FLAD1: variants seen among roughly 807,000 people sequenced by gnomAD.
FLAD1 encodes flavin adenine dinucleotide synthetase 1, also known as bifunctional FAD diphosphatase/FAD synthase.
In FLAD1, 35 loss-of-function variants were observed where a neutral mutation model predicts 55.0. That is an observed-to-expected ratio of 0.64 (90% CI 0.49 to 0.84). FLAD1 has a LOEUF of 0.84. Ranked by LOEUF, FLAD1 falls within the 40% of genes least tolerant of loss-of-function variation. The probability of loss-of-function intolerance (pLI) is 0.00; values close to 1 mark genes in which losing one functional copy is unlikely to be tolerated. For missense variants in FLAD1, 665 were observed against 742.6 expected, an observed-to-expected ratio of 0.90 and a Z score of 1.21; for synonymous variants, 267 against 303.0, an observed-to-expected ratio of 0.88 and a Z score of 1.23.
chr1:154,986,056 T>A (rs946383561), intron 1 of FLAD1, among the ~76,000 whole-genome samples: 12 of 144,110 alleles, frequency 8.3e-5, no homozygotes, highest in East Asian at 2.0e-4. Context: ...TGTGTGTGTG[T>A]GACGGAGTTT....
At position 154,990,181 on chromosome 1, in the gene FLAD1, C is replaced by T. The variant is rs1327707141; in HGVS notation, c.1288C>T (p.Pro430Ser). 6.2e-7 allele frequency: 1 copy of T among 1,614,070 alleles called. No individual in the cohort carries two copies. The highest frequency in any genetic ancestry group is 8.5e-7 in the Non-Finnish European group (1 of 1,179,940). ...VQRKLPDVPN[P>S]LQILYIRSIS... ...CAGGAAATTACCTGATGTTCCAAACCCCCTCCAGATCCTGTATATCCGCAG... is the reference window on the plus strand; with the variant it reads ...CAGGAAATTACCTGATGTTCCAAACTCCCTCCAGATCCTGTATATCCGCAG... The change falls in exon 4 of 7, where the codon CCC (proline) becomes TCC (serine). Residue 430 changes from proline (P) to serine (S), a missense_variant. Pro to Ser is a moderately conservative substitution (Grantham distance 74). Coordinates refer to ENST00000292180, the MANE Select transcript of FLAD1 (RefSeq NM_025207.5).
intron 3 of FLAD1, 98 bp downstream of exon 3, chr1:154,989,805 GGGAGATAGTCAT>G: frequency 7.6e-7 from 1 of 1,320,846 alleles, no homozygotes; most frequent in African/African-American, 1.5e-5. Flanking sequence ...GAGTTCAAGA[GGGAGATAGTCAT>G]GGTGACCTCT....
intron 5 of FLAD1, 103 bp from the exon 6 acceptor site, chr1:154,992,610 C>T (rs1199709040): frequency 3.7e-6 from 6 of 1,614,016 alleles, no homozygotes; most frequent in Non-Finnish European, 5.1e-6. Flanking sequence ...CCCTCAGAGG[C>T]CAAGGGAGCA....
At chr1:154,991,849 T>TA (rs1307909866) in intron 5 of FLAD1, among the ~76,000 whole-genome samples, 2 of 145,136 alleles carry the variant, frequency 1.4e-5, no homozygotes, top group Admixed American at 1.4e-4. Flanking sequence ...AGGCCCTGTC[T>TA]AAAAAAAATA....
rs202129263 is a variant in FLAD1 at position 154,984,729 on chromosome 1, G to C, written c.372+663G>C. Among the ~76,000 whole-genome samples, 47 of 141,108 alleles carry C rather than the reference G, an allele frequency of 3.3e-4. 1 individual carries two copies. In the East Asian group the frequency reaches 9.5e-3, roughly 29 times the overall value. The allele number at this position is 141,108 out of a possible 152,430, so 92.6% of individuals were successfully genotyped here. On this transcript the variant is annotated intron_variant, in intron 1 of 6. Coordinates refer to ENST00000292180, the MANE Select transcript of FLAD1 (RefSeq NM_025207.5). ...GTCTCAAAAAAAAAAAAAAAAAAAA[G>C]AGTTTTACCCAGCCTTTTTGGAAAT... is the stretch of plus-strand genomic sequence containing the variant.
intron 1 of FLAD1, among the ~76,000 whole-genome samples, chr1:154,986,843 C>G (rs1657634786): frequency 6.6e-6 from 1 of 151,788 alleles, no homozygotes; most frequent in African/African-American, 2.4e-5. Flanking sequence ...AGCAATCCTC[C>G]CACCTCAGCC....
chr1:154,984,996 C>T (rs1047541285), intron 1 of FLAD1, among the ~76,000 whole-genome samples: 2 of 139,442 alleles, frequency 1.4e-5, no homozygotes, highest in Non-Finnish European at 3.0e-5. Context: ...TCTGGAGTTG[C>T]TGTGACTACA....
rs1657712617 is a variant in FLAD1, at chr1:154,988,364, C to T, written c.632C>T (p.Ala211Val). 1 of 1,614,182 alleles carries T rather than the reference C, an allele frequency of 6.2e-7. No homozygotes were observed. Among genetic ancestry groups the T allele is most frequent in the African/African-American group, 1.3e-5 (1 of 75,050 alleles). ...CCCAAGTTGGAAGCAGCCACCAAAG[C>T]CCTAGGAGGGGAAGGCTGGGAGAAG... is the stretch of plus-strand genomic sequence containing the variant. ...PHPKLEAATK[A>V]LGGEGWEKLS... Residue 211 changes from alanine to valine, a missense_variant, in exon 2 of 7, where the codon GCC (alanine) becomes GTC (valine). Coordinates refer to ENST00000292180, the MANE Select transcript of FLAD1 (RefSeq NM_025207.5).
In FLAD1 at chr1:154,993,043, C is replaced by A; in HGVS notation, c.*6C>A. 6.2e-7 allele frequency: 1 copy of A among 1,613,670 alleles called. No homozygotes were observed. The highest frequency in any genetic ancestry group is 8.5e-7 in the Non-Finnish European group (1 of 1,179,710). On this transcript the variant is annotated 3_prime_UTR_variant, in exon 7 of 7. Transcript: ENST00000292180. Reference sequence around the variant, plus strand: ...AGCGGAACTCCCGCACATGACCTCCCACCCTAGGAGGGAGGGAAGGACACC... The same window carrying A: ...AGCGGAACTCCCGCACATGACCTCCAACCCTAGGAGGGAGGGAAGGACACC...
In FLAD1 at chr1:154,988,446, T is replaced by A. The variant is rs1032884815; in HGVS notation, c.714T>A (p.Gly238=). 7.4e-6 allele frequency: 12 copies of A among 1,614,116 alleles called. No homozygotes were observed. Among genetic ancestry groups the A allele is most frequent in the African/African-American group, 1.3e-5 (1 of 74,938 alleles). Residue 238 remains glycine (G), a synonymous_variant, in exon 2 of 7, where the codon GGT becomes GGA. Coordinates refer to ENST00000292180, the MANE Select transcript of FLAD1 (RefSeq NM_025207.5). ...ATTATGGCACAGATCCTTGCACTGG[T>A]CAACCTTTCAGATTCCCTCTGGTCT... ...RLHYGTDPCT[G]QPFRFPLVSV...
intron 3 of FLAD1, 82 bp from the exon 4 acceptor site, chr1:154,990,077 G>A: frequency 8.8e-7 from 1 of 1,130,718 alleles, no homozygotes; most frequent in Non-Finnish European, 1.3e-6. Context: ...TGTCCTAGGG[G>A]CCAACGAGAA....
At chr1:154,987,955 CT>C (rs1657690324) in intron 1 of FLAD1, 149 bp from the exon 2 acceptor site, 1 of 1,523,166 alleles carries the variant, frequency 6.6e-7, no homozygotes, top group Non-Finnish European at 8.8e-7. Flanking sequence ...TTTTCCCACT[CT>C]TGTGTCCAGT....
At chr1:154,989,307 AG>A (rs1657760142) in intron 2 of FLAD1, among the ~76,000 whole-genome samples, 1 of 152,178 alleles carries the variant, frequency 6.6e-6, no homozygotes. Context: ...AGGGAATGGA[AG>A]GAAGCCCACA....
intron 2 of FLAD1, 193 bp downstream of exon 2, chr1:154,989,042 G>T: frequency 7.4e-7 from 1 of 1,354,802 alleles, no homozygotes; most frequent in Non-Finnish European, 9.8e-7. Flanking sequence ...AGGTGTTGGG[G>T]ATATGGCTCA....
Position 154,990,433 on chromosome 1 carries a change from G to A in FLAD1, c.1459G>A (p.Gly487Ser). 1 of 1,614,110 alleles carries A rather than the reference G, an allele frequency of 6.2e-7. No individual in the cohort carries two copies. The highest frequency in any genetic ancestry group is 1.1e-5 in the South Asian group (1 of 91,090). ...CCCCCAGCTGGAGGCTGTCCTTATG[G>A]GCACCCGCCGGACTGACCCCTACTC... is the stretch of plus-strand genomic sequence containing the variant. Reference protein sequence around the residue: ...RHPQLEAVLMGTRRTDPYSCS... With the variant: ...RHPQLEAVLMSTRRTDPYSCS... Residue 487 changes from glycine to serine, a missense_variant, in exon 5 of 7, where the codon GGC (glycine) becomes AGC (serine). Physicochemically the swap from Gly to Ser is moderately conservative, Grantham distance 56 (BLOSUM62 0). Transcript: ENST00000292180.
intron 1 of FLAD1, chr1:154,987,730 A>G: frequency 2.8e-6 from 1 of 359,436 alleles, no homozygotes; most frequent in Non-Finnish European, 5.1e-6. Context: ...TGAGACCAGG[A>G]ATTCAACACC....
intron 1 of FLAD1, among the ~76,000 whole-genome samples, chr1:154,985,031 ATTTTTTTTTTTTTT>A (rs749772991): frequency 1.5e-4 from 5 of 32,586 alleles, no homozygotes; most frequent in Non-Finnish European, 1.6e-4. Context: ...CACCTGGCTA[ATTTTTTTTTTTTTT>A]TTTTTTTTTT....
intron 1 of FLAD1, among the ~76,000 whole-genome samples, chr1:154,985,672 G>A (rs1657554337): frequency 6.9e-6 from 1 of 145,326 alleles, no homozygotes; most frequent in Admixed American, 6.9e-5. Flanking sequence ...CTCCCAAAAT[G>A]TTGGGATTAC....
Position 154,984,149 on chromosome 1 carries a change from G to A in FLAD1, c.372+83G>A. ...GCTGCACATCCCTCCATGGAAGGAG[G>A]TGAAACAGGGTGGGAGCCTCTTTGC... is the stretch of plus-strand genomic sequence containing the variant. On this transcript the variant is annotated intron_variant, in intron 1 of 6. Transcript: ENST00000292180. 4 of 1,263,820 alleles carry A rather than the reference G, an allele frequency of 3.2e-6. No individual in the cohort carries two copies. The Admixed American group carries it at 9.7e-5, about 31-fold the overall frequency. 78.3% of individuals were successfully genotyped at this position (1,263,820 alleles called of 1,614,324 possible).
Sources: allele counts gnomAD v4.1 joint callset (sites outside exome capture counted in the v4.1 genomes callset), GRCh38; gene constraint gnomAD v4.1.1; transcripts MANE v1.5; gene names NCBI Gene and HGNC (gene_info 2026-07-23, HGNC 2026-07-21).